RANBP2: variants seen among roughly 807,000 people sequenced by gnomAD.
RANBP2 encodes E3 SUMO-protein ligase RanBP2.
A neutral mutation model predicts 303.6 loss-of-function variants in RANBP2; 57 were observed. The ratio of observed to expected loss-of-function variants is 0.19; its 90% CI spans 0.15 to 0.23. The LOEUF is 0.23. Among genes scored for constraint, RANBP2 ranks in the 10% least tolerant of loss-of-function variants. The pLI, the probability that RANBP2 is intolerant of heterozygous loss-of-function variation, is 1.00. For synonymous variants in RANBP2, 1,167 were observed against 1,301.5 expected (o/e 0.90, Z 2.23); for missense variants, 3,138 against 3,780.8 (o/e 0.83, Z 4.46).
chr2:109,072,349 T>A, the RANBP2 span, among the ~76,000 whole-genome samples: 2 of 152,224 alleles, frequency 1.3e-5, no homozygotes, highest in African/African-American at 4.8e-5. Flanking sequence ...AAAGAAACTC[T>A]GTGCTGGCCA....
the RANBP2 span, among the ~76,000 whole-genome samples, chr2:108,805,999 G>C: frequency 1.1e-5 from 1 of 94,796 alleles, no homozygotes; most frequent in Non-Finnish European, 2.7e-5. Context: ...TGTAACTTAA[G>C]CCTCAGACTC....
the RANBP2 span, among the ~76,000 whole-genome samples, chr2:109,451,214 C>G: frequency 6.6e-6 from 1 of 152,356 alleles, no homozygotes; most frequent in Admixed American, 6.5e-5. Flanking sequence ...TGAAGGGCAA[C>G]AGCTGCTCTG....
At chr2:108,786,987 G>A (rs1316701257), downstream of RANBP2, 1 of 1,086,008 alleles carries the variant, frequency 9.2e-7, no homozygotes, top group Non-Finnish European at 1.2e-6. Context: ...GCCCCGCGCA[G>A]CCGGCCTGGG....
chr2:108,772,762 A>G lies in RANBP2; in HGVS notation c.8114-106A>G, dbSNP rs1426701448. Reference sequence around the variant, plus strand: ...TGGTCCTTGTTTTTCATTAGTATGTACAGGTCTTGTTACCTGGGTCTGTGG... The same window carrying G: ...TGGTCCTTGTTTTTCATTAGTATGTGCAGGTCTTGTTACCTGGGTCTGTGG... On this transcript the variant is annotated intron_variant, in intron 22 of 28. Transcript: ENST00000283195. The G allele has an allele frequency of 3.1e-6, 4 of 1,291,564 alleles. No homozygotes were observed. The Admixed American group carries it at 7.9e-5, about 26-fold the overall frequency. The allele number at this position is 1,291,564 out of a possible 1,614,324, so 80.0% of individuals were successfully genotyped here. A position where few individuals can be genotyped will look rare whatever the true frequency, so the allele number is the denominator to read the frequency against.
At chr2:109,520,661 C>A in the RANBP2 span, among the ~76,000 whole-genome samples, 1 of 107,352 alleles carries the variant, frequency 9.3e-6, no homozygotes, top group East Asian at 2.4e-4. Flanking sequence ...CCAGGCACAG[C>A]GGCTCACGCC....
chr2:109,455,050 C>T, the RANBP2 span, among the ~76,000 whole-genome samples: 1 of 152,170 alleles, frequency 6.6e-6, no homozygotes, highest in Non-Finnish European at 1.5e-5. Context: ...CATGATGTTC[C>T]TGAGGCTCAG....
chr2:109,214,230 T>C, the RANBP2 span, among the ~76,000 whole-genome samples: 1 of 152,124 alleles, frequency 6.6e-6, no homozygotes, highest in Admixed American at 6.5e-5. Flanking sequence ...ATGTGGTTTA[T>C]GGGTAAAACC....
At chr2:109,115,732 T>G in the RANBP2 span, among the ~76,000 whole-genome samples, 2 of 152,258 alleles carry the variant, frequency 1.3e-5, no homozygotes, top group African/African-American at 2.4e-5. Context: ...GCCTTGATGG[T>G]CTTTACAATT....
Position 108,763,914 on chromosome 2 carries a change from T to C in RANBP2, c.3375T>C (p.Phe1125=). Reference sequence around the variant, plus strand: ...CGAGTCAGCAAAAGAATTCTGGTTTTCGGCGAAGTGATGATATGTTTACTT... The same window carrying C: ...CGAGTCAGCAAAAGAATTCTGGTTTCCGGCGAAGTGATGATATGTTTACTT... ...MGSSQQKNSG[F]RRSDDMFTFH... is the part of the protein sequence containing the mutation. The change falls in exon 20 of 29, where the codon TTT becomes TTC. Residue 1125 remains phenylalanine (F), a synonymous_variant. Coordinates refer to ENST00000283195, the MANE Select transcript of RANBP2 (RefSeq NM_006267.5). 3 of 1,613,950 alleles carry C rather than the reference T, an allele frequency of 1.9e-6. No individual in the cohort carries two copies. Among genetic ancestry groups the C allele is most frequent in the Non-Finnish European group, 2.5e-6 (3 of 1,179,988 alleles).
chr2:108,763,572 G>T lies in RANBP2; in HGVS notation c.3033G>T (p.Pro1011=), dbSNP rs78215631. 1.2e-6 allele frequency: 2 copies of T among 1,613,902 alleles called. No homozygotes were observed. The highest frequency in any genetic ancestry group is 3.3e-5 in the Admixed American group (2 of 59,974). The part of the protein sequence containing the change: ...FGKTNFVQPM[P]GEGLRPSLPT... ...AAACTAATTTTGTTCAGCCCATGCC[G>T]GGTGAAGGATTAAGGCCATCTTTGC... is the stretch of plus-strand genomic sequence containing the variant. Residue 1011 remains proline (P), a synonymous_variant, in exon 20 of 29, where the codon CCG becomes CCT. Coordinates refer to ENST00000283195, the MANE Select transcript of RANBP2 (RefSeq NM_006267.5).
chr2:108,765,242 A>G lies in RANBP2; in HGVS notation c.4703A>G (p.Asn1568Ser), dbSNP rs1468296124. The change falls in exon 20 of 29, where the codon AAT becomes AGT. Residue 1568 changes from asparagine to serine, a missense_variant. Coordinates refer to ENST00000283195, the MANE Select transcript of RANBP2 (RefSeq NM_006267.5). ...ANATRCVACQ[N>S]PDKPSPSTSV... is the part of the protein sequence containing the mutation. ...GCTACAAGATGTGTTGCTTGTCAGAATCCGGATAAACCAAGTCCATCTACT... is the reference window on the plus strand; with the variant it reads ...GCTACAAGATGTGTTGCTTGTCAGAGTCCGGATAAACCAAGTCCATCTACT... 3.7e-6 allele frequency: 6 copies of G among 1,613,960 alleles called. No individual in the cohort carries two copies. Among genetic ancestry groups the G allele is most frequent in the Non-Finnish European group, 5.1e-6 (6 of 1,179,974 alleles).
the RANBP2 span, among the ~76,000 whole-genome samples, chr2:109,688,172 G>A: frequency 7.2e-5 from 11 of 152,198 alleles, no homozygotes; most frequent in Middle Eastern, 3.4e-3. Flanking sequence ...TTTCAGTCCC[G>A]AGGAGTCACA....
the RANBP2 span, among the ~76,000 whole-genome samples, chr2:109,247,215 C>T: frequency 3.3e-5 from 5 of 152,168 alleles, no homozygotes; most frequent in Non-Finnish European, 7.3e-5. Flanking sequence ...TGAAGTCACA[C>T]CCCACACAGA....
the RANBP2 span, among the ~76,000 whole-genome samples, chr2:108,903,674 G>A: frequency 2.0e-5 from 3 of 152,100 alleles, no homozygotes; most frequent in African/African-American, 7.2e-5. Context: ...AAAAAATGGT[G>A]CTGGAGCAAT....
chr2:108,762,181 G>A lies in RANBP2; in HGVS notation c.2683G>A (p.Val895Ile). The change falls in exon 19 of 29, where the codon GTT becomes ATT. Residue 895 changes from valine to isoleucine, a missense_variant. Transcript: ENST00000283195. Reference sequence around the variant, plus strand: ...GTATCTTCTCAGACCAGCAGCTAATGTTACTCCCACAAAGGTAACAAAGGA... The same window carrying A: ...GTATCTTCTCAGACCAGCAGCTAATATTACTCCCACAAAGGTAACAAAGGA... ...SQYLLRPAAN[V>I]TPTKGPVYGM... 1 of 1,590,422 alleles carries A rather than the reference G, an allele frequency of 6.3e-7. No homozygotes were observed. The highest frequency in any genetic ancestry group is 1.4e-5 in the African/African-American group (1 of 73,700).
chr2:108,962,700 A>AAAAAAAAAAAGAG, the RANBP2 span, among the ~76,000 whole-genome samples: 1 of 128,858 alleles, frequency 7.8e-6, no homozygotes. Flanking sequence ...AAAAAAAAAA[A>AAAAAAAAAAAGAG]AGAGAGAAAG....
chr2:109,188,516 A>G, the RANBP2 span, among the ~76,000 whole-genome samples: 49 of 152,282 alleles, frequency 3.2e-4, no homozygotes, highest in African/African-American at 1.1e-3. Context: ...GTCTGGATGA[A>G]AGAGACCACG....
chr2:109,351,841 G>T, the RANBP2 span, among the ~76,000 whole-genome samples: 2 of 152,358 alleles, frequency 1.3e-5, no homozygotes, highest in South Asian at 4.1e-4. Context: ...TCCTGATCTG[G>T]TCAGACCTTA....
chr2:109,432,315 G>A, the RANBP2 span, among the ~76,000 whole-genome samples: 1 of 152,152 alleles, frequency 6.6e-6, no homozygotes, highest in Non-Finnish European at 1.5e-5. Flanking sequence ...CCTGCCTCGT[G>A]GGTTTGTTAT....
Sources: allele counts gnomAD v4.1 joint callset (sites outside exome capture counted in the v4.1 genomes callset), GRCh38; gene constraint gnomAD v4.1.1; transcripts MANE v1.5; gene names NCBI Gene and HGNC (gene_info 2026-07-23, HGNC 2026-07-21).